The following FBXW7 variants were observed in gnomAD, a reference collection of about 807,000 sequenced individuals.
FBXW7 encodes F-box and WD repeat domain containing 7, also known as F-box/WD repeat-containing protein 7.
In FBXW7, 11 loss-of-function variants were observed where a neutral mutation model predicts 86.3. The observed-to-expected ratio is 0.13, with a 90% CI of 0.08 to 0.21. FBXW7 has a LOEUF of 0.21. Ranked by LOEUF, FBXW7 falls within the 10% of genes least tolerant of loss-of-function variation. The pLI is 1.00. For synonymous variants in FBXW7, 313 were observed against 297.9 expected, an observed-to-expected ratio of 1.05 and a Z score of -0.52; for missense variants, 488 against 847.4, an observed-to-expected ratio of 0.58 and a Z score of 5.27.
intron 2 of FBXW7, among the ~76,000 whole-genome samples, chr4:152,490,582 C>A (rs1212810542): frequency 6.6e-6 from 1 of 151,956 alleles, no homozygotes; most frequent in African/African-American, 2.4e-5. Flanking sequence ...GGGCATAGGA[C>A]TCAAACCCTG....
chr4:152,508,608 G>A (rs1419877373), intron 2 of FBXW7, among the ~76,000 whole-genome samples: 2 of 149,350 alleles, frequency 1.3e-5, no homozygotes, highest in East Asian at 3.9e-4. Context: ...AGGATCACCT[G>A]AGCCCAGGAG....
rs1021458483 is a variant in FBXW7, at chr4:152,535,961, G to A, written c.-1047C>T. The A allele has an allele frequency of 3.5e-6, 1 of 286,898 alleles. No individual in the cohort carries two copies. Among genetic ancestry groups the A allele is most frequent in the Non-Finnish European group, 6.5e-6 (1 of 153,444 alleles). The allele number at this position is 286,898 out of a possible 1,614,324, so 17.8% of individuals were successfully genotyped here. On this transcript the variant is annotated 5_prime_UTR_variant, in exon 1 of 14. Coordinates refer to ENST00000281708, the MANE Select transcript of FBXW7 (RefSeq NM_001349798.2). ...GTCTCGGCGGCGGCCAGTGCAGGGG[G>A]ACTGGATCTCTCGGATGCTCCTTCG...
chr4:152,327,572 G>A (rs1436610249), intron 11 of FBXW7, among the ~76,000 whole-genome samples: 2 of 151,998 alleles, frequency 1.3e-5, no homozygotes, highest in African/African-American at 4.8e-5. Context: ...GTCCAGTTTG[G>A]CAGAAACCAT....
intron 2 of FBXW7, 88 bp downstream of exon 2, chr4:152,534,853 T>C (rs1750358499): frequency 6.6e-6 from 1 of 152,196 alleles, no homozygotes; most frequent in South Asian, 2.1e-4. Flanking sequence ...CTCCCAACAC[T>C]ACTGGAGAAC....
intron 2 of FBXW7, among the ~76,000 whole-genome samples, chr4:152,436,716 T>C (rs1560895966): frequency 6.6e-6 from 1 of 152,218 alleles, no homozygotes; most frequent in African/African-American, 2.4e-5. Flanking sequence ...TCATTTACCA[T>C]TCCAAAAACT....
At chr4:152,447,381 G>C (rs1741502541) in intron 2 of FBXW7, among the ~76,000 whole-genome samples, 1 of 152,174 alleles carries the variant, frequency 6.6e-6, no homozygotes, top group African/African-American at 2.4e-5. Flanking sequence ...AGAGGTATTG[G>C]TGAGGAAGGG....
chr4:152,519,125 C>T (rs534222008), intron 2 of FBXW7, among the ~76,000 whole-genome samples: 49 of 152,060 alleles, frequency 3.2e-4, no homozygotes, highest in Non-Finnish European at 2.6e-4. Context: ...GGTGAAACCC[C>T]GTCTCTACTA....
intron 2 of FBXW7, among the ~76,000 whole-genome samples, chr4:152,481,341 A>G (rs754731160): frequency 6.6e-6 from 1 of 152,196 alleles, no homozygotes; most frequent in Non-Finnish European, 1.5e-5. Flanking sequence ...CGTTCAAAAT[A>G]CTACTCATTG....
intron 2 of FBXW7, among the ~76,000 whole-genome samples, chr4:152,417,564 T>C (rs1451843559): frequency 6.6e-6 from 1 of 152,016 alleles, no homozygotes; most frequent in Non-Finnish European, 1.5e-5. Flanking sequence ...TGGCAAAGCT[T>C]GACTCTAAGA....
intron 4 of FBXW7, among the ~76,000 whole-genome samples, chr4:152,405,822 A>T (rs1737377286): frequency 6.6e-6 from 1 of 151,754 alleles, no homozygotes; most frequent in Admixed American, 6.6e-5. Context: ...ACTGACCAGA[A>T]GATGGGACCT....
chr4:152,488,036 A>G (rs1022458854), intron 2 of FBXW7, among the ~76,000 whole-genome samples: 4 of 152,212 alleles, frequency 2.6e-5, no homozygotes, highest in African/African-American at 9.6e-5. Context: ...TCCAAGTGGC[A>G]TTACATCTCC....
intron 2 of FBXW7, among the ~76,000 whole-genome samples, chr4:152,515,577 T>C (rs1348729489): frequency 6.6e-6 from 1 of 152,152 alleles, no homozygotes; most frequent in Admixed American, 6.5e-5. Context: ...TTCTGTACAT[T>C]TAGTAGTACA....
chr4:152,374,650 G>C lies in FBXW7; in HGVS notation c.502-24526C>G, dbSNP rs1458655983. On this transcript the variant is annotated intron_variant, in intron 4 of 13. Coordinates refer to ENST00000281708, the MANE Select transcript of FBXW7 (RefSeq NM_001349798.2). ...TAAAAATAACCTCTGAATTGTAAGA[G>C]TTTATAACCTAACCAAGGAGATATC... 2.0e-5 allele frequency among the ~76,000 whole-genome samples: 3 copies of C among 152,028 alleles called. No homozygotes were observed. The East Asian group carries it at 5.8e-4, about 29-fold the overall frequency.
rs1728656825 is a variant in FBXW7, at chr4:152,322,775, G to A, written c.*106C>T. 1.3e-6 allele frequency: 2 copies of A among 1,521,746 alleles called. No homozygotes were observed. The highest frequency in any genetic ancestry group is 1.8e-6 in the Non-Finnish European group (2 of 1,138,982). 94.3% of individuals were successfully genotyped at this position (1,521,746 alleles called of 1,614,324 possible). ...CCCCAAGCCAACATCCTGCACCACTGAGAACAAGGGATTTTTTTCTTTTTC... is the reference window on the plus strand; with the variant it reads ...CCCCAAGCCAACATCCTGCACCACTAAGAACAAGGGATTTTTTTCTTTTTC... On this transcript the variant is annotated 3_prime_UTR_variant, in exon 14 of 14. Transcript: ENST00000281708.
chr4:152,403,477 CAA>C (rs112762359), intron 4 of FBXW7, among the ~76,000 whole-genome samples: 31 of 85,184 alleles, frequency 3.6e-4, no homozygotes, highest in Non-Finnish European at 3.3e-4. Context: ...GACTTCATCT[CAA>C]AAAAAAAAAA....
rs987751221 is a variant in FBXW7 at position 152,366,167 on chromosome 4, T to C, written c.502-16043A>G. On this transcript the variant is annotated intron_variant, in intron 4 of 13. Transcript: ENST00000281708. ...TTTATCATTTTATAATTATACTGTCTATTGTTTATAATACTTAATATATTT... is the reference window on the plus strand; with the variant it reads ...TTTATCATTTTATAATTATACTGTCCATTGTTTATAATACTTAATATATTT... 6.2e-4 allele frequency among the ~76,000 whole-genome samples: 95 copies of C among 152,332 alleles called. 1 individual carries two copies. Among genetic ancestry groups the C allele is most frequent in the African/African-American group, 2.2e-3 (92 of 41,592 alleles).
intron 2 of FBXW7, among the ~76,000 whole-genome samples, chr4:152,444,681 T>C (rs189784545): frequency 6.0e-4 from 91 of 152,326 alleles, no homozygotes; most frequent in African/African-American, 2.2e-3. Flanking sequence ...TATCATTGGT[T>C]GTAACAATTT....
At chr4:152,420,449 G>A (rs1434144896) in intron 2 of FBXW7, among the ~76,000 whole-genome samples, 1 of 152,056 alleles carries the variant, frequency 6.6e-6, no homozygotes, top group Non-Finnish European at 1.5e-5. Flanking sequence ...CATAAATCAC[G>A]AATGTTCTCA....
rs1737956519 is a variant in FBXW7, at chr4:152,411,442, T to C, written c.362A>G (p.Glu121Gly). The change falls in exon 4 of 14, where the codon GAG (glutamate) becomes GGG (glycine). Residue 121 changes from glutamate (E) to glycine (G), a missense_variant. Transcript: ENST00000281708. ...ATCAGACTGATCAAAATCGTCACTC[T>C]CCTGGTCCATCTCCTCCTCCTCCTC... is the stretch of plus-strand genomic sequence containing the variant. ...EDEEEEEMDQ[E>G]SDDFDQSDDS... is the part of the protein sequence containing the mutation. 2 of 1,613,450 alleles carry C rather than the reference T, an allele frequency of 1.2e-6. No individual in the cohort carries two copies. The highest frequency in any genetic ancestry group is 1.7e-5 in the Admixed American group (1 of 59,858).
Sources: allele counts gnomAD v4.1 joint callset (sites outside exome capture counted in the v4.1 genomes callset), GRCh38; gene constraint gnomAD v4.1.1; transcripts MANE v1.5; gene names NCBI Gene and HGNC (gene_info 2026-07-23, HGNC 2026-07-21).